NARF: variants seen among roughly 807,000 people sequenced by gnomAD.
NARF encodes the protein nuclear prelamin A recognition factor, also known as iron-only hydrogenase-like protein 2.
In NARF, 41 loss-of-function variants were observed where a neutral mutation model predicts 48.0. The ratio of observed to expected loss-of-function variants is 0.85; its 90% CI spans 0.66 to 1.11. The LOEUF (loss-of-function observed/expected upper bound fraction) is 1.11. Among genes scored for constraint, NARF ranks in the 50% least tolerant of loss-of-function variants. The probability of loss-of-function intolerance (pLI) is 0.00; values close to 1 mark genes in which losing one functional copy is unlikely to be tolerated. For synonymous variants in NARF, 215 were observed against 225.5 expected (o/e 0.95, Z 0.42); for missense variants, 613 against 590.2 (o/e 1.04, Z -0.40).
At chr17:82,459,291 C>A in intron 1 of NARF, 1 of 557,112 alleles carries the variant, frequency 1.8e-6, no homozygotes, top group Non-Finnish European at 2.3e-6. Context: ...GCAACAACCG[C>A]GCAGCGCACG....
intron 4 of NARF, among the ~76,000 whole-genome samples, chr17:82,471,866 C>T (rs891944318): frequency 1.3e-5 from 2 of 151,384 alleles, no homozygotes; most frequent in Non-Finnish European, 2.9e-5. Flanking sequence ...CATCAAGAAC[C>T]ATCACAGACT....
At position 82,490,242 on chromosome 17, in the gene NARF, A is replaced by G. The variant is rs1567951303; in HGVS notation, c.*2085A>G. 6.6e-6 allele frequency: 1 copy of G among 152,226 alleles called. No individual in the cohort carries two copies. The highest frequency in any genetic ancestry group is 2.4e-5 in the African/African-American group (1 of 41,396). 9.4% of individuals were successfully genotyped at this position (152,226 alleles called of 1,614,324 possible). ...GCTGTACCCTAGGGCTCCTCCCAGG[A>G]AAAGAGAGATGTCAACGTGGCCCAA... On this transcript the variant is annotated 3_prime_UTR_variant, in exon 11 of 11. Transcript: ENST00000309794.
chr17:82,473,424 A>G (rs1181660792), intron 5 of NARF, among the ~76,000 whole-genome samples: 1 of 151,250 alleles, frequency 6.6e-6, no homozygotes, highest in East Asian at 1.9e-4. Context: ...TTGTTGAGAC[A>G]GAGTCTCGCT....
chr17:82,488,253 A>C lies in NARF; in HGVS notation c.*96A>C. The C allele has an allele frequency of 6.7e-7, 1 of 1,503,580 alleles. No homozygotes were observed. Among genetic ancestry groups the C allele is most frequent in the Non-Finnish European group, 8.9e-7 (1 of 1,128,602 alleles). 93.1% of individuals were successfully genotyped at this position (1,503,580 alleles called of 1,614,324 possible). The stretch of plus-strand genomic sequence containing the variant: ...CCTGAGTGGAGTATTAAAGACACTT[A>C]AGAAAACCGCTCAATGGATTACTTT... On this transcript the variant is annotated 3_prime_UTR_variant, in exon 11 of 11. Coordinates refer to ENST00000309794, the MANE Select transcript of NARF (RefSeq NM_012336.4).
Position 82,490,242 on chromosome 17 carries a change from AAAAG to A in NARF, c.*2087_*2090del, listed in dbSNP as rs1221286250. On this transcript the variant is annotated 3_prime_UTR_variant, in exon 11 of 11. Coordinates refer to ENST00000309794, the MANE Select transcript of NARF (RefSeq NM_012336.4). ...GCTGTACCCTAGGGCTCCTCCCAGGAAAAGAGAGATGTCAACGTGGCCCAAGGTG... is the reference window on the plus strand; with the variant it reads ...GCTGTACCCTAGGGCTCCTCCCAGGAAGAGATGTCAACGTGGCCCAAGGTG... 1 of 152,226 alleles carries A rather than the reference AAAAG, an allele frequency of 6.6e-6. No individual in the cohort carries two copies. The highest frequency in any genetic ancestry group is 1.5e-5 in the Non-Finnish European group (1 of 68,082). 9.4% of individuals were successfully genotyped at this position (152,226 alleles called of 1,614,324 possible). A position where few individuals can be genotyped will look rare whatever the true frequency, so the allele number is the denominator to read the frequency against.
chr17:82,464,910 A>G (rs1267730795), intron 3 of NARF, among the ~76,000 whole-genome samples: 1 of 152,186 alleles, frequency 6.6e-6, no homozygotes, highest in Admixed American at 6.5e-5. Flanking sequence ...CCTATACAGA[A>G]CGAGAGGTGC....
intron 5 of NARF, among the ~76,000 whole-genome samples, chr17:82,478,125 T>C (rs577655925): frequency 1.3e-5 from 2 of 152,190 alleles, no homozygotes; most frequent in Non-Finnish European, 1.5e-5. Flanking sequence ...GCACTCTGAC[T>C]GGGCTGTACG....
intron 3 of NARF, among the ~76,000 whole-genome samples, chr17:82,468,348 A>G (rs980406037): frequency 3.3e-5 from 5 of 150,714 alleles, no homozygotes; most frequent in Non-Finnish European, 7.4e-5. Context: ...AACAAGGGTG[A>G]AACTCTTTTT....
chr17:82,462,596 C>A (rs991333087), intron 2 of NARF: 1 of 152,460 alleles, frequency 6.6e-6, no homozygotes, highest in Non-Finnish European at 1.5e-5. Context: ...GGGCCTTCTA[C>A]GGTGTGTGAG....
intron 3 of NARF, among the ~76,000 whole-genome samples, chr17:82,466,380 A>G (rs1165664391): frequency 6.6e-6 from 1 of 152,034 alleles, no homozygotes; most frequent in Non-Finnish European, 1.5e-5. Context: ...GACAGTTTAT[A>G]TTTTATCTTA....
At position 82,471,790 on chromosome 17, in the gene NARF, T is replaced by TTAAAAAAAA. The variant is rs2043713645; in HGVS notation, c.386-774_386-773insTAAAAAAAA. 2.9e-4 allele frequency among the ~76,000 whole-genome samples: 14 copies of TTAAAAAAAA among 47,944 alleles called. No individual in the cohort carries two copies. In the South Asian group the frequency reaches 8.0e-3, roughly 28 times the overall value. 31.5% of individuals were successfully genotyped at this position (47,944 alleles called of 152,430 possible). On this transcript the variant is annotated intron_variant, in intron 4 of 10. Coordinates refer to ENST00000309794, the MANE Select transcript of NARF (RefSeq NM_012336.4). ...TTGCGCGAAAGAGTGAGACTCCGTCTCAAAAAAAAAAAAAAAAGTATGCCC... is the reference window on the plus strand; with the variant it reads ...TTGCGCGAAAGAGTGAGACTCCGTCTTAAAAAAAACAAAAAAAAAAAAAAAAGTATGCCC...
intron 6 of NARF, 81 bp from the exon 7 acceptor site, chr17:82,481,001 C>G: frequency 6.3e-7 from 1 of 1,581,308 alleles, no homozygotes; most frequent in Non-Finnish European, 8.6e-7. Context: ...TTCGGTCTCC[C>G]ATCCCTCTTG....
At chr17:82,480,990 A>G (rs1411547801) in intron 6 of NARF, 92 bp from the exon 7 acceptor site, 2 of 1,518,720 alleles carry the variant, frequency 1.3e-6, no homozygotes, top group African/African-American at 2.8e-5. Context: ...AGCAGGGGGC[A>G]TTCGGTCTCC....
rs374759625 is a variant in NARF, at chr17:82,478,813, C to A, written c.534C>A (p.Tyr178Ter). 3 of 1,613,604 alleles carry A rather than the reference C, an allele frequency of 1.9e-6. No homozygotes were observed. The highest frequency in any genetic ancestry group is 2.5e-6 in the Non-Finnish European group (3 of 1,179,802). The change falls in exon 6 of 11, where the codon TAC becomes TAA. Residue 178 changes from tyrosine to a stop codon, truncating the protein, a stop_gained. Transcript: ENST00000309794. LOFTEE classifies it high-confidence loss of function. The part of the protein sequence containing the change: ...LTSACPGWVR[Y>*]AERVLGRPIT... The stretch of plus-strand genomic sequence containing the variant: ...TTCTCTCCCCAGGCTGGGTCCGATA[C>A]GCCGAGCGGGTGCTGGGTCGCCCCA...
chr17:82,462,046 C>G (rs1406445118), intron 2 of NARF, among the ~76,000 whole-genome samples: 1 of 152,214 alleles, frequency 6.6e-6, no homozygotes, highest in Non-Finnish European at 1.5e-5. Context: ...TCGTTGTAGA[C>G]AGATATCTAA....
chr17:82,479,175 G>A (rs553689176), intron 6 of NARF: 329 of 327,158 alleles, frequency 1.0e-3, no homozygotes, highest in African/African-American at 6.7e-3. Context: ...GGGCCCATTC[G>A]GGGTAGAGTA....
At chr17:82,468,941 T>C (rs772738512) in intron 4 of NARF, 45 bp downstream of exon 4, 2 of 1,602,658 alleles carry the variant, frequency 1.2e-6, no homozygotes, top group Non-Finnish European at 1.7e-6. Context: ...CTTGAGTTTA[T>C]AAGCGCCCTT....
At chr17:82,477,274 C>G (rs553740968) in intron 5 of NARF, 53 of 151,830 alleles carry the variant, frequency 3.5e-4, no homozygotes, top group African/African-American at 1.3e-3. Flanking sequence ...GAGGCCGAGG[C>G]GGGAGGATCT....
At position 82,483,797 on chromosome 17, in the gene NARF, G is replaced by GACACTCTGTAA; in HGVS notation, c.833+18_833+19insACACTCTGTAA. 6.2e-7 allele frequency: 1 copy of GACACTCTGTAA among 1,612,288 alleles called. No homozygotes were observed. Among genetic ancestry groups the GACACTCTGTAA allele is most frequent in the Admixed American group, 1.7e-5 (1 of 60,004 alleles). ...GACACTCTGTAAGTGGCTTCTCTGG[G>GACACTCTGTAA]GAGAGTCCTCTGGGGGGCAGGACCT... On this transcript the variant is annotated intron_variant, in intron 8 of 10. Coordinates refer to ENST00000309794, the MANE Select transcript of NARF (RefSeq NM_012336.4).
Sources: allele counts gnomAD v4.1 joint callset (sites outside exome capture counted in the v4.1 genomes callset), GRCh38; gene constraint gnomAD v4.1.1; transcripts MANE v1.5; gene names NCBI Gene and HGNC (gene_info 2026-07-23, HGNC 2026-07-21).